Variants in ADCY8 observed in about 807,000 individuals in gnomAD.
ADCY8 encodes the protein adenylate cyclase type 8.
A neutral mutation model predicts 119.7 loss-of-function variants in ADCY8; 51 were observed. That is an observed-to-expected ratio of 0.43 (90% CI 0.34 to 0.54). The LOEUF is 0.54. Ranked by LOEUF, ADCY8 falls within the 20% of genes least tolerant of loss-of-function variation. The pLI, the probability that ADCY8 is intolerant of heterozygous loss-of-function variation, is 0.03. For synonymous variants in ADCY8, 665 were observed against 651.0 expected (o/e 1.02, Z -0.33); for missense variants, 1,383 against 1,598.8 (o/e 0.87, Z 2.30).
Position 130,891,495 on chromosome 8 carries a change from A to C in ADCY8, c.1912-6734T>G, listed in dbSNP as rs978673362. On this transcript the variant is annotated intron_variant, in intron 7 of 17. Coordinates refer to ENST00000286355, the MANE Select transcript of ADCY8 (RefSeq NM_001115.3). ...TATACGAATATGTTGTACAATGATT[A>C]GATTAACCTAGTTAATATACCCATC... Among the ~76,000 whole-genome samples, 10 of 152,316 alleles carry C rather than the reference A, an allele frequency of 6.6e-5. No individual in the cohort carries two copies. In the South Asian group the frequency reaches 1.9e-3, roughly 28 times the overall value.
At chr8:130,954,299 G>T (rs1280073033) in intron 2 of ADCY8, among the ~76,000 whole-genome samples, 1 of 152,172 alleles carries the variant, frequency 6.6e-6, no homozygotes, top group African/African-American at 2.4e-5. Flanking sequence ...TGATCCAAGT[G>T]TAGGGAAGAA....
intron 2 of ADCY8, among the ~76,000 whole-genome samples, chr8:130,975,179 CTCAAAAA>C (rs1306559057): frequency 4.6e-5 from 7 of 152,154 alleles, no homozygotes; most frequent in Non-Finnish European, 8.8e-5. Context: ...AATCAACACT[CTCAAAAA>C]TCCTTTCTAA....
chr8:130,877,707 A>G (rs768979085), intron 8 of ADCY8, among the ~76,000 whole-genome samples: 3 of 152,154 alleles, frequency 2.0e-5, no homozygotes, highest in Admixed American at 6.5e-5. Flanking sequence ...TTTTTGGAAA[A>G]TAGTGATAAT....
At chr8:130,948,459 A>C (rs1821170700) in intron 3 of ADCY8, among the ~76,000 whole-genome samples, 1 of 152,108 alleles carries the variant, frequency 6.6e-6, no homozygotes, top group Non-Finnish European at 1.5e-5. Context: ...GGAGGCCCAC[A>C]GGGATGAGGT....
chr8:130,787,550 G>A (rs1815286378), intron 15 of ADCY8, among the ~76,000 whole-genome samples: 1 of 142,976 alleles, frequency 7.0e-6, no homozygotes, highest in South Asian at 2.3e-4. Flanking sequence ...TATGTGTGTG[G>A]ACACACATGT....
chr8:130,910,608 G>C lies in ADCY8; in HGVS notation c.1482-742C>G, dbSNP rs189592368. Among the ~76,000 whole-genome samples, 31 of 152,290 alleles carry C rather than the reference G, an allele frequency of 2.0e-4. 1 individual carries two copies. In the East Asian group the frequency reaches 5.4e-3, roughly 27 times the overall value. The stretch of plus-strand genomic sequence containing the variant: ...AGTGTTTACATCCCAGGGCTGAACT[G>C]GGTCATCCGTTGAGATGCAGGAGGA... On this transcript the variant is annotated intron_variant, in intron 5 of 17. Transcript: ENST00000286355.
rs146256345 is a variant in ADCY8 at position 130,886,458 on chromosome 8, T to C, written c.1912-1697A>G. ...GGGCCAGAGAGTTTAGTCCCTGGAATTAAATGCTATTAGTGCAGCATCCCA... is the reference window on the plus strand; with the variant it reads ...GGGCCAGAGAGTTTAGTCCCTGGAACTAAATGCTATTAGTGCAGCATCCCA... On this transcript the variant is annotated intron_variant, in intron 7 of 17. Transcript: ENST00000286355. Among the ~76,000 whole-genome samples, 252 of 152,226 alleles carry C rather than the reference T, an allele frequency of 1.7e-3. 2 individuals carry two copies. Among genetic ancestry groups the C allele is most frequent in the African/African-American group, 3.6e-3 (151 of 41,548 alleles).
chr8:130,823,817 C>T (rs1816591416), intron 12 of ADCY8, among the ~76,000 whole-genome samples: 2 of 152,082 alleles, frequency 1.3e-5, no homozygotes, highest in African/African-American at 4.8e-5. Flanking sequence ...AATGTCATTT[C>T]CTTTTACCCC....
At chr8:130,892,973 T>C (rs1314890924) in intron 7 of ADCY8, among the ~76,000 whole-genome samples, 1 of 152,186 alleles carries the variant, frequency 6.6e-6, no homozygotes, top group Non-Finnish European at 1.5e-5. Context: ...ATCTATTAGC[T>C]AATCCTAGAT....
chr8:130,868,069 T>A, intron 8 of ADCY8, 123 bp from the exon 9 acceptor site: 1 of 603,380 alleles, frequency 1.7e-6, no homozygotes, highest in Non-Finnish European at 2.8e-6. Context: ...ATTCATATCT[T>A]AATAAAACCT....
At chr8:130,922,728 C>G (rs191015520) in intron 5 of ADCY8, among the ~76,000 whole-genome samples, 1 of 152,302 alleles carries the variant, frequency 6.6e-6, no homozygotes, top group East Asian at 1.9e-4. Flanking sequence ...GTTGGGTACA[C>G]CTCGCAGACG....
chr8:130,797,433 T>C (rs571688700), intron 15 of ADCY8, among the ~76,000 whole-genome samples: 8 of 152,328 alleles, frequency 5.3e-5, no homozygotes, highest in African/African-American at 1.9e-4. Context: ...ATTGGAAGTA[T>C]GTTTTGAATT....
At chr8:130,991,707 A>AACATTAT (rs1351303668) in intron 1 of ADCY8, among the ~76,000 whole-genome samples, 1 of 152,234 alleles carries the variant, frequency 6.6e-6, no homozygotes, top group Non-Finnish European at 1.5e-5. Context: ...ATAAACATTA[A>AACATTAT]AATGTGACTC....
Position 130,847,490 on chromosome 8 carries a change from C to T in ADCY8, c.2436G>A (p.Ser812=), listed in dbSNP as rs770621743. Residue 812 remains serine (S), a synonymous_variant, in exon 11 of 18, where the codon TCG becomes TCA. Coordinates refer to ENST00000286355, the MANE Select transcript of ADCY8 (RefSeq NM_001115.3). ...LNILWCDFDK[S]IPLKNLTFNS... ...TGAAAGTCAGGTTCTTCAAGGGTAT[C>T]GACTTGTCAAAATCACACCACAGCT... 24 of 1,604,230 alleles carry T rather than the reference C, an allele frequency of 1.5e-5. No homozygotes were observed. Among genetic ancestry groups the T allele is most frequent in the South Asian group, 6.6e-5 (6 of 90,712 alleles).
chr8:130,855,920 T>G (rs903365177), intron 9 of ADCY8, among the ~76,000 whole-genome samples: 1 of 152,162 alleles, frequency 6.6e-6, no homozygotes, highest in Non-Finnish European at 1.5e-5. Flanking sequence ...CCCCGTTCAG[T>G]ATGATCCTTC....
At chr8:131,025,606 CAT>C (rs1305037358) in intron 1 of ADCY8, among the ~76,000 whole-genome samples, 81 of 152,288 alleles carry the variant, frequency 5.3e-4, no homozygotes, top group African/African-American at 1.9e-3. Context: ...ATAAATAAAA[CAT>C]AATTCCAATC....
intron 3 of ADCY8, among the ~76,000 whole-genome samples, chr8:130,948,187 T>G (rs1291589209): frequency 6.6e-6 from 1 of 152,202 alleles, no homozygotes; most frequent in East Asian, 1.9e-4. Flanking sequence ...ATAAACTTGA[T>G]TGAGTTAAAA....
chr8:130,864,991 G>T (rs773220894), intron 9 of ADCY8, among the ~76,000 whole-genome samples: 9 of 152,196 alleles, frequency 5.9e-5, no homozygotes, highest in Middle Eastern at 3.4e-3. Context: ...TATCACTCTG[G>T]CTGGGAGTTA....
At chr8:130,907,795 A>G (rs1049037241) in intron 6 of ADCY8, among the ~76,000 whole-genome samples, 2 of 152,110 alleles carry the variant, frequency 1.3e-5, no homozygotes, top group Non-Finnish European at 2.9e-5. Context: ...CTTTGTTACA[A>G]AGCATATTGT....
Sources: allele counts gnomAD v4.1 joint callset (sites outside exome capture counted in the v4.1 genomes callset), GRCh38; gene constraint gnomAD v4.1.1; transcripts MANE v1.5; gene names NCBI Gene and HGNC (gene_info 2026-07-23, HGNC 2026-07-21).